ZHX2: variants seen among roughly 807,000 people sequenced by gnomAD.
ZHX2 encodes zinc fingers and homeoboxes protein 2.
In ZHX2, 6 loss-of-function variants were observed where a neutral mutation model predicts 21.9. That is an observed-to-expected ratio of 0.27 (90% CI 0.15 to 0.54). ZHX2 has a LOEUF of 0.54. ZHX2 is among the 20% of genes least tolerant of loss of function. The probability of loss-of-function intolerance (pLI) is 0.95; values close to 1 mark genes in which losing one functional copy is unlikely to be tolerated. For missense variants in ZHX2, 908 were observed against 1,090.7 expected (o/e 0.83, Z 2.36); for synonymous variants, 434 against 437.1 (o/e 0.99, Z 0.09).
intron 1 of ZHX2, among the ~76,000 whole-genome samples, chr8:122,836,774 AC>A (rs1818509400): frequency 6.6e-6 from 1 of 152,302 alleles, no homozygotes; most frequent in Non-Finnish European, 1.5e-5. Flanking sequence ...GCTGGCCCAC[AC>A]TGCTGGCGCA....
rs1255060741 is a variant in ZHX2, at chr8:122,782,132, G to GC, written c.-283+186_-283+187insC. ...TTGGAAGGGGGGTACGGAAGGGGGGGGGTGTGCAGGCTCTTTTTGCGGGTG... is the reference window on the plus strand; with the variant it reads ...TTGGAAGGGGGGTACGGAAGGGGGGGCGGTGTGCAGGCTCTTTTTGCGGGTG... On this transcript the variant is annotated intron_variant, in intron 1 of 3. Coordinates refer to ENST00000314393, the MANE Select transcript of ZHX2 (RefSeq NM_014943.5). The surrounding 1 kb of genome is among the most constrained non-coding windows in gnomAD (Gnocchi z 5.3). Among the ~76,000 whole-genome samples the GC allele has an allele frequency of 1.3e-5, 2 of 148,788 alleles. No individual in the cohort carries two copies. The highest frequency in any genetic ancestry group is 3.0e-5 in the Non-Finnish European group (2 of 66,828).
At chr8:122,943,056 G>A (rs1812884778) in intron 2 of ZHX2, among the ~76,000 whole-genome samples, 1 of 152,104 alleles carries the variant, frequency 6.6e-6, no homozygotes, top group South Asian at 2.1e-4. Context: ...GAGGTCAGGA[G>A]TTCGAGACCA....
At chr8:122,801,803 G>A (rs556635530) in intron 1 of ZHX2, among the ~76,000 whole-genome samples, 1 of 152,094 alleles carries the variant, frequency 6.6e-6, no homozygotes, top group Non-Finnish European at 1.5e-5. Flanking sequence ...ATCCTCCCTT[G>A]CCCTAAACGC....
intron 3 of ZHX2, among the ~76,000 whole-genome samples, chr8:122,970,308 C>T (rs1341679664): frequency 6.6e-6 from 1 of 152,238 alleles, no homozygotes; most frequent in Non-Finnish European, 1.5e-5. Context: ...CACAGCCACT[C>T]CTCTGACAGC....
intron 2 of ZHX2, among the ~76,000 whole-genome samples, chr8:122,915,705 A>G (rs183217794): frequency 2.0e-5 from 3 of 152,210 alleles, no homozygotes; most frequent in Admixed American, 2.0e-4. Context: ...AAAAGCAGAA[A>G]AGGCTCCATG....
chr8:122,886,940 G>A (rs1178375157), intron 2 of ZHX2, among the ~76,000 whole-genome samples: 1 of 152,154 alleles, frequency 6.6e-6, no homozygotes, highest in Admixed American at 6.5e-5. Flanking sequence ...AGGAAATGGA[G>A]GCTCAGATAG....
At chr8:122,905,351 C>T (rs1353031985) in intron 2 of ZHX2, among the ~76,000 whole-genome samples, 3 of 152,140 alleles carry the variant, frequency 2.0e-5, no homozygotes, top group African/African-American at 4.8e-5. Flanking sequence ...AATCAGAAAC[C>T]ATGAAGGCCA....
At chr8:122,906,732 G>A (rs1820357754) in intron 2 of ZHX2, among the ~76,000 whole-genome samples, 1 of 149,342 alleles carries the variant, frequency 6.7e-6, no homozygotes, top group Admixed American at 6.7e-5. Context: ...GTACAGTAGG[G>A]CTATCTCAGC....
intron 2 of ZHX2, among the ~76,000 whole-genome samples, chr8:122,873,724 G>T (rs1383719756): frequency 1.3e-5 from 2 of 152,178 alleles, no homozygotes; most frequent in Non-Finnish European, 2.9e-5. Flanking sequence ...TCCGAAATGG[G>T]TCTCACTGAG....
chr8:122,918,401 G>A (rs1423917492), intron 2 of ZHX2, among the ~76,000 whole-genome samples: 1 of 152,148 alleles, frequency 6.6e-6, no homozygotes, highest in Non-Finnish European at 1.5e-5. Flanking sequence ...CTTTAATCCT[G>A]GCTTCCAAGT....
intron 3 of ZHX2, among the ~76,000 whole-genome samples, chr8:122,960,728 A>C (rs1813421070): frequency 6.6e-6 from 1 of 152,178 alleles, no homozygotes; most frequent in Non-Finnish European, 1.5e-5. Context: ...TTCACACTTC[A>C]CAGAAGTGCA....
chr8:122,810,079 AATC>A (rs1413050181), intron 1 of ZHX2, among the ~76,000 whole-genome samples: 1 of 152,174 alleles, frequency 6.6e-6, no homozygotes, highest in Non-Finnish European at 1.5e-5. Flanking sequence ...CCTCTTAAGA[AATC>A]ATGTAAATCC....
At chr8:122,955,875 C>G (rs1813287177) in intron 3 of ZHX2, among the ~76,000 whole-genome samples, 1 of 129,996 alleles carries the variant, frequency 7.7e-6, no homozygotes, top group East Asian at 2.5e-4. Flanking sequence ...GACAGAGTCT[C>G]ACTCTGTTGC....
At chr8:122,920,242 C>A (rs1820705603) in intron 2 of ZHX2, among the ~76,000 whole-genome samples, 1 of 152,060 alleles carries the variant, frequency 6.6e-6, no homozygotes, top group Non-Finnish European at 1.5e-5. Flanking sequence ...CCGTTGCACT[C>A]CAGCCTGAGC....
intron 2 of ZHX2, among the ~76,000 whole-genome samples, chr8:122,891,267 AGATTGTGTGTGTGTGTGT>A (rs2129865365): frequency 8.6e-6 from 1 of 115,766 alleles, no homozygotes; most frequent in African/African-American, 3.5e-5. Flanking sequence ...CAATCTTGGT[AGATTGTGTGTGTGTGTGT>A]GTGTGTGTGT....
At chr8:122,833,055 C>T (rs570389584) in intron 1 of ZHX2, among the ~76,000 whole-genome samples, 3 of 152,078 alleles carry the variant, frequency 2.0e-5, no homozygotes, top group East Asian at 1.9e-4. Flanking sequence ...GGTGAGCCGA[C>T]GTGAAATGTG....
At chr8:122,966,714 G>T (rs1490056606) in intron 3 of ZHX2, among the ~76,000 whole-genome samples, 1 of 152,158 alleles carries the variant, frequency 6.6e-6, no homozygotes, top group Non-Finnish European at 1.5e-5. Context: ...AGCAAGACCA[G>T]GGAAGTTTTC....
rs910671106 is a variant in ZHX2, at chr8:122,879,085, C to T, written c.-220+15546C>T. Among the ~76,000 whole-genome samples the T allele has an allele frequency of 9.2e-5, 14 of 152,144 alleles. 2 individuals carry two copies. Among genetic ancestry groups the T allele is most frequent in the Admixed American group, 2.6e-4 (4 of 15,272 alleles). The stretch of plus-strand genomic sequence containing the variant: ...CCTGCAGGGCAGCACAGCACTGCCT[C>T]GGAACTCAAGGTTAGCCTCGTGCCT... On this transcript the variant is annotated intron_variant, in intron 2 of 3. Coordinates refer to ENST00000314393, the MANE Select transcript of ZHX2 (RefSeq NM_014943.5).
At chr8:122,813,196 CAAAAAAAAAA>C (rs35396999) in intron 1 of ZHX2, among the ~76,000 whole-genome samples, 2 of 96,448 alleles carry the variant, frequency 2.1e-5, no homozygotes, top group South Asian at 6.4e-4. Context: ...AACTCTGTCT[CAAAAAAAAAA>C]AAAAAAGAAA....
Sources: gnomAD v4.1 joint callset for allele counts (sites outside exome capture counted in the v4.1 genomes callset) on GRCh38, gnomAD v4.1.1 for gene constraint, Gnocchi (gnomAD v3.1) non-coding constraint, MANE v1.5 for transcripts, NCBI Gene and HGNC (gene_info 2026-07-23, HGNC 2026-07-21) for gene names.